LZTFL1: variants seen among roughly 807,000 people sequenced by gnomAD.
LZTFL1 encodes leucine zipper transcription factor like 1.
Under a neutral mutation model 45.9 loss-of-function variants are expected in LZTFL1, and 25 were observed. That is an observed-to-expected ratio of 0.54 (90% CI 0.40 to 0.76). LZTFL1 has a LOEUF of 0.76. LZTFL1 is among the 30% of genes least tolerant of loss of function. The pLI is 0.00. For missense variants in LZTFL1, 277 were observed against 331.1 expected (o/e 0.84, Z 1.27); for synonymous variants, 93 against 117.4 (o/e 0.79, Z 1.35).
At chr3:45,864,170 T>C (rs1390749760) in intron 2 of LZTFL1, among the ~76,000 whole-genome samples, 1 of 152,224 alleles carries the variant, frequency 6.6e-6, no homozygotes, top group African/African-American at 2.4e-5. Flanking sequence ...AATGTGTAAT[T>C]ATAAATTGCT....
Position 45,877,232 on chromosome 3 carries a change from C to CTT in LZTFL1, c.-214-18218_-214-18217dup, listed in dbSNP as rs565054826. Among the ~76,000 whole-genome samples the CTT allele has an allele frequency of 4.0e-3, 555 of 139,064 alleles. 9 individuals carry two copies. The highest frequency in any genetic ancestry group is 0.014 in the African/African-American group (523 of 37,866). 91.2% of individuals were successfully genotyped at this position (139,064 alleles called of 152,430 possible). A position where few individuals can be genotyped will look rare whatever the true frequency, so the allele number is the denominator to read the frequency against. ...TGCTTCACCTTTTTCACAAGCATCT[C>CTT]TTTTTTTTTTTTTTTTTGGAGACAG... On this transcript the variant is annotated intron_variant, in intron 2 of 4. Transcript: ENST00000472635.
At chr3:45,841,227 C>A (rs2125693961) in intron 1 of LZTFL1, among the ~76,000 whole-genome samples, 1 of 152,350 alleles carries the variant, frequency 6.6e-6, no homozygotes, top group East Asian at 1.9e-4. Context: ...AATAGAAATT[C>A]TGGTTGCTGA....
chr3:45,912,082 T>C (rs1223701138), intron 2 of LZTFL1, among the ~76,000 whole-genome samples: 2 of 152,246 alleles, frequency 1.3e-5, no homozygotes, highest in Non-Finnish European at 2.9e-5. Flanking sequence ...GTGTGAATAG[T>C]GTTCGTCACA....
At chr3:45,910,326 A>G (rs373335494) in intron 2 of LZTFL1, among the ~76,000 whole-genome samples, 3 of 152,194 alleles carry the variant, frequency 2.0e-5, no homozygotes, top group East Asian at 3.8e-4. Context: ...GGTAGACACA[A>G]TGGTGAAGAT....
At position 45,834,395 on chromosome 3, in the gene LZTFL1, C is replaced by G. The variant is rs556269201; in HGVS notation, c.324-97G>C. The stretch of plus-strand genomic sequence containing the variant: ...TCACTGGTACCAACCCATTACATGC[C>G]AGAGAGAACAGAGCAAGATGGACCA... On this transcript the variant is annotated intron_variant, in intron 3 of 9. Coordinates refer to ENST00000296135, the MANE Select transcript of LZTFL1 (RefSeq NM_020347.4). 4 of 731,912 alleles carry G rather than the reference C, an allele frequency of 5.5e-6. No individual in the cohort carries two copies. In the South Asian group the frequency reaches 6.8e-5, roughly 12 times the overall value. 45.3% of individuals were successfully genotyped at this position (731,912 alleles called of 1,614,324 possible).
Position 45,842,031 on chromosome 3 carries a change from G to A in LZTFL1, c.-40C>T. On this transcript the variant is annotated 5_prime_UTR_variant, in exon 1 of 10. Transcript: ENST00000296135. ...GCGGCAGCCTAAAGGAACGGGAGAG[G>A]CCAGGCGGTGCCCCGCCAAGCCTGG... 6.2e-7 allele frequency: 1 copy of A among 1,602,864 alleles called. No homozygotes were observed. The highest frequency in any genetic ancestry group is 1.7e-5 in the Admixed American group (1 of 58,816).
intron 3 of LZTFL1, chr3:45,855,104 A>G (rs890840636): frequency 2.9e-5 from 39 of 1,338,546 alleles, no homozygotes; most frequent in Non-Finnish European, 3.6e-5. Flanking sequence ...GTTAAAAATT[A>G]TAAGTTGTAT....
intron 2 of LZTFL1, among the ~76,000 whole-genome samples, chr3:45,865,629 CA>C (rs1701566685): frequency 6.6e-6 from 1 of 152,338 alleles, no homozygotes; most frequent in Non-Finnish European, 1.5e-5. Flanking sequence ...CTTTTTATAA[CA>C]GGAGGTAAAC....
At chr3:45,891,273 A>G (rs1357826626) in intron 2 of LZTFL1, among the ~76,000 whole-genome samples, 3 of 152,090 alleles carry the variant, frequency 2.0e-5, no homozygotes, top group Non-Finnish European at 4.4e-5. Context: ...TCTTAGGGTC[A>G]ATTGCCAAAA....
rs927508660 is a variant in LZTFL1 at position 45,825,785 on chromosome 3, A to G, written c.*529T>C. The G allele has an allele frequency of 6.6e-5, 10 of 152,612 alleles. No individual in the cohort carries two copies. The highest frequency in any genetic ancestry group is 1.9e-4 in the African/African-American group (8 of 41,462). The allele number at this position is 152,612 out of a possible 1,614,324, so 9.5% of individuals were successfully genotyped here. On this transcript the variant is annotated 3_prime_UTR_variant, in exon 10 of 10. Transcript: ENST00000296135. Reference sequence around the variant, plus strand: ...TTGGTAAAAAGGCTACCCATAATAGAATTCACATTTTCAATGAATTTATAG... The same window carrying G: ...TTGGTAAAAAGGCTACCCATAATAGGATTCACATTTTCAATGAATTTATAG...
intron 2 of LZTFL1, among the ~76,000 whole-genome samples, chr3:45,862,959 C>G (rs1701514959): frequency 6.6e-6 from 1 of 152,204 alleles, no homozygotes; most frequent in Non-Finnish European, 1.5e-5. Context: ...TGGAGCTACT[C>G]TTGTTTTGAA....
At chr3:45,898,151 C>T (rs757030381) in intron 2 of LZTFL1, among the ~76,000 whole-genome samples, 1 of 152,118 alleles carries the variant, frequency 6.6e-6, no homozygotes, top group Non-Finnish European at 1.5e-5. Flanking sequence ...CCTCTTAAAC[C>T]TGCTGTGATG....
chr3:45,904,950 C>A (rs761968723), intron 2 of LZTFL1, among the ~76,000 whole-genome samples: 15 of 152,172 alleles, frequency 9.9e-5, no homozygotes, highest in South Asian at 4.1e-4. Flanking sequence ...GATCTCTGTC[C>A]CTCACTGAAG....
chr3:45,873,190 C>T (rs1045803024), intron 2 of LZTFL1, among the ~76,000 whole-genome samples: 7 of 152,200 alleles, frequency 4.6e-5, no homozygotes, highest in Non-Finnish European at 1.0e-4. Context: ...AGTACACAAA[C>T]CCTGGGGATT....
chr3:45,859,020 G>A (rs2125707569), intron 2 of LZTFL1: 1 of 152,334 alleles, frequency 6.6e-6, no homozygotes, highest in African/African-American at 2.4e-5. Context: ...GTTGCTCCTT[G>A]TAAAAATTAT....
intron 2 of LZTFL1, among the ~76,000 whole-genome samples, chr3:45,889,371 C>T (rs775287259): frequency 2.4e-4 from 36 of 152,092 alleles, no homozygotes; most frequent in Non-Finnish European, 4.1e-4. Flanking sequence ...AAAGTAGCCT[C>T]GGTGAATGTA....
chr3:45,869,739 A>T (rs955771292), intron 2 of LZTFL1, among the ~76,000 whole-genome samples: 2 of 152,172 alleles, frequency 1.3e-5, no homozygotes, highest in African/African-American at 4.8e-5. Flanking sequence ...TAAAATCCCC[A>T]TCTTATTGAA....
intron 2 of LZTFL1, among the ~76,000 whole-genome samples, chr3:45,910,110 G>T (rs9836836): frequency 0.2 from 30,112 of 152,118 alleles, 3,061 homozygotes; most frequent in East Asian, 0.29. Flanking sequence ...TAAGTGGGGT[G>T]TGGCATGATC....
chr3:45,898,677 C>T (rs1702447657), intron 2 of LZTFL1, among the ~76,000 whole-genome samples: 1 of 152,250 alleles, frequency 6.6e-6, no homozygotes, highest in South Asian at 2.1e-4. Flanking sequence ...TTCCTGCCAG[C>T]CAGGGCCCAA....
Sources: gnomAD v4.1 joint callset for allele counts (sites outside exome capture counted in the v4.1 genomes callset) on GRCh38, gnomAD v4.1.1 for gene constraint, MANE v1.5 for transcripts, NCBI Gene and HGNC (gene_info 2026-07-23, HGNC 2026-07-21) for gene names.